TRAF2: variants seen among roughly 807,000 people sequenced by gnomAD.
TRAF2 encodes TNF receptor associated factor 2, also known as TNF receptor-associated factor 2.
In TRAF2, 6 loss-of-function variants were observed where a neutral mutation model predicts 55.6. The observed-to-expected ratio is 0.11, with a 90% CI of 0.06 to 0.21. TRAF2 has a LOEUF of 0.21. TRAF2 is among the 10% of genes least tolerant of loss of function. TRAF2 has a pLI of 1.00. For missense variants in TRAF2, 561 were observed against 684.5 expected, an observed-to-expected ratio of 0.82 and a Z score of 2.01; for synonymous variants, 329 against 276.3, an observed-to-expected ratio of 1.19 and a Z score of -1.89.
At chr9:136,892,906 T>C (rs1264136514) in intron 1 of TRAF2, among the ~76,000 whole-genome samples, 1 of 152,154 alleles carries the variant, frequency 6.6e-6, no homozygotes, top group Non-Finnish European at 1.5e-5. Flanking sequence ...CATTAGTGGC[T>C]CATGAAATCA....
Position 136,920,252 on chromosome 9 carries a change from C to G in TRAF2, c.697C>G (p.Gln233Glu). Residue 233 changes from glutamine (Q) to glutamate (E), a missense_variant, in exon 8 of 11, where the codon CAG becomes GAG. By Grantham distance (29) the Gln-to-Glu change is conservative (BLOSUM62 2). Coordinates refer to ENST00000247668, the MANE Select transcript of TRAF2 (RefSeq NM_021138.4). ...CLETVEGEKQ[Q>E]EHEVQWLREH... ...TCCGCAGGTAGAGGGTGAGAAACAGCAGGAGCACGAGGTGCAGTGGCTGCG... is the reference window on the plus strand; with the variant it reads ...TCCGCAGGTAGAGGGTGAGAAACAGGAGGAGCACGAGGTGCAGTGGCTGCG... 6.2e-7 allele frequency: 1 copy of G among 1,611,270 alleles called. No homozygotes were observed. Among genetic ancestry groups the G allele is most frequent in the Non-Finnish European group, 8.5e-7 (1 of 1,178,772 alleles).
At chr9:136,901,965 T>G (rs1849830915) in intron 4 of TRAF2, 1 of 152,254 alleles carries the variant, frequency 6.6e-6, no homozygotes, top group Non-Finnish European at 1.5e-5. Flanking sequence ...CAAGTTTCGT[T>G]TTTTCAGAAG....
chr9:136,909,970 C>T lies in TRAF2; in HGVS notation c.579C>T (p.Gly193=). 1 of 1,613,914 alleles carries T rather than the reference C, an allele frequency of 6.2e-7. No individual in the cohort carries two copies. The part of the protein sequence containing the change: ...PKFPLTCDGC[G]KKKIPREKFQ... ...TCCCCTTAACTTGTGACGGCTGCGGCAAGAAGAAGATCCCCCGGGAGAAGG... is the reference window on the plus strand; with the variant it reads ...TCCCCTTAACTTGTGACGGCTGCGGTAAGAAGAAGATCCCCCGGGAGAAGG... The change falls in exon 6 of 11, where the codon GGC becomes GGT. Residue 193 remains glycine, a synonymous_variant. Coordinates refer to ENST00000247668, the MANE Select transcript of TRAF2 (RefSeq NM_021138.4).
At chr9:136,910,746 C>T (rs1453008749) in intron 6 of TRAF2, among the ~76,000 whole-genome samples, 3 of 152,340 alleles carry the variant, frequency 2.0e-5, no homozygotes, top group African/African-American at 7.2e-5. Flanking sequence ...CAGGTGTGTG[C>T]CTGTCTTTCT....
chr9:136,924,084 G>A (rs918798827), intron 10 of TRAF2, 84 bp downstream of exon 10: 28 of 1,524,042 alleles, frequency 1.8e-5, no homozygotes, highest in Non-Finnish European at 2.3e-5. Context: ...AGGGTTGTGC[G>A]GGACAAGGTG....
chr9:136,898,026 G>A (rs548026664), intron 1 of TRAF2, among the ~76,000 whole-genome samples: 11 of 142,218 alleles, frequency 7.7e-5, no homozygotes, highest in African/African-American at 2.4e-4. Context: ...CTACGTTCCC[G>A]CTCTCAGGGC....
rs55666712 is a variant in TRAF2 at position 136,923,610 on chromosome 9, CAAAAAAA to C, written c.1139-223_1139-217del. Among the ~76,000 whole-genome samples the C allele has an allele frequency of 9.7e-3, 659 of 67,820 alleles. 3 individuals carry two copies. The highest frequency in any genetic ancestry group is 0.037 in the African/African-American group (603 of 16,258). 44.5% of individuals were successfully genotyped at this position (67,820 alleles called of 152,430 possible). Reference sequence around the variant, plus strand: ...GGGCAACAAGAGTGAGACTCCATCTCAAAAAAAAAAAAAAAAAAAAAAAAACTTTTTC... The same window carrying C: ...GGGCAACAAGAGTGAGACTCCATCTCAAAAAAAAAAAAAAAAAACTTTTTC... On this transcript the variant is annotated intron_variant, in intron 9 of 10. Coordinates refer to ENST00000247668, the MANE Select transcript of TRAF2 (RefSeq NM_021138.4).
intron 5 of TRAF2, among the ~76,000 whole-genome samples, chr9:136,909,004 C>T (rs1850029602): frequency 1.3e-5 from 2 of 148,414 alleles, no homozygotes; most frequent in South Asian, 2.1e-4. Flanking sequence ...CACCACTGCA[C>T]ACTAGCCTGG....
intron 1 of TRAF2, among the ~76,000 whole-genome samples, chr9:136,892,836 G>A (rs1424767620): frequency 4.7e-5 from 7 of 149,404 alleles, no homozygotes; most frequent in Non-Finnish European, 8.9e-5. Context: ...AGATCACACC[G>A]TTGCACTCCC....
chr9:136,884,528 C>T (rs574646013), upstream of TRAF2, among the ~76,000 whole-genome samples: 3 of 151,926 alleles, frequency 2.0e-5, no homozygotes, highest in South Asian at 6.3e-4. Context: ...CCACTGCACT[C>T]CAGCCTGGGT....
chr9:136,920,989 G>A (rs369326269), intron 8 of TRAF2, 49 bp from the exon 9 acceptor site: 33 of 1,600,712 alleles, frequency 2.1e-5, no homozygotes, highest in Admixed American at 3.4e-5. Flanking sequence ...GCAGGGGCTC[G>A]TGCCCGCACC....
intron 1 of TRAF2, among the ~76,000 whole-genome samples, chr9:136,890,769 G>A (rs1241456576): frequency 6.6e-6 from 1 of 152,226 alleles, no homozygotes; most frequent in Non-Finnish European, 1.5e-5. Flanking sequence ...AGGGTCCCCT[G>A]ACCGGGCTGC....
At chr9:136,886,853 A>C (rs1849463563) in intron 1 of TRAF2, 1 of 154,758 alleles carries the variant, frequency 6.5e-6, no homozygotes, top group South Asian at 2.0e-4. Flanking sequence ...GTACCGCCTG[A>C]GGCCCGTGGG....
intron 7 of TRAF2, 45 bp from the exon 8 acceptor site, chr9:136,920,189 C>G: frequency 6.4e-7 from 1 of 1,553,924 alleles, no homozygotes; most frequent in Non-Finnish European, 8.7e-7. Context: ...GGGTGGGAGC[C>G]GAATGGTGGA....
chr9:136,916,407 T>C, intron 6 of TRAF2, 134 bp from the exon 7 acceptor site: 1 of 816,714 alleles, frequency 1.2e-6, no homozygotes, highest in East Asian at 2.6e-5. Flanking sequence ...GCTGTTGGGT[T>C]TCATTCAGTG....
chr9:136,924,045 C>T (rs1186505123), intron 10 of TRAF2, 45 bp downstream of exon 10: 1 of 1,601,780 alleles, frequency 6.2e-7, no homozygotes, highest in East Asian at 2.2e-5. Flanking sequence ...ACCTGGGAGT[C>T]CCTCTGGGCA....
intron 9 of TRAF2, among the ~76,000 whole-genome samples, chr9:136,922,211 GACCAGAAACAAA>G (rs1196862278): frequency 6.6e-6 from 1 of 152,326 alleles, no homozygotes; most frequent in East Asian, 1.9e-4. Context: ...CTTCAGCAGG[GACCAGAAACAAA>G]ACTCACACTC....
chr9:136,916,053 C>T (rs1266000024), intron 6 of TRAF2, among the ~76,000 whole-genome samples: 1 of 152,146 alleles, frequency 6.6e-6, no homozygotes, highest in Non-Finnish European at 1.5e-5. Flanking sequence ...CAGTGTTAGT[C>T]TCTGTTTCTT....
upstream of TRAF2, among the ~76,000 whole-genome samples, chr9:136,883,969 C>T (rs1230930588): frequency 6.6e-6 from 1 of 151,662 alleles, no homozygotes; most frequent in Non-Finnish European, 1.5e-5. Flanking sequence ...TGAGTACAGG[C>T]GCGTACCACC....
Sources: gnomAD v4.1 joint callset for allele counts (sites outside exome capture counted in the v4.1 genomes callset) on GRCh38, gnomAD v4.1.1 for gene constraint, MANE v1.5 for transcripts, NCBI Gene and HGNC (gene_info 2026-07-23, HGNC 2026-07-21) for gene names.